The following RUVBL2 variants were observed in gnomAD, a reference collection of about 807,000 sequenced individuals.
The protein encoded by RUVBL2 is RuvB like AAA ATPase 2.
Under a neutral mutation model 57.9 loss-of-function variants are expected in RUVBL2, and 9 were observed. The ratio of observed to expected loss-of-function variants is 0.16; its 90% confidence interval spans 0.09 to 0.27. The LOEUF (loss-of-function observed/expected upper bound fraction) is 0.27, where lower values mean the gene tolerates loss of function less well. RUVBL2 is among the 10% of genes least tolerant of loss of function. The pLI, the probability that RUVBL2 is intolerant of heterozygous loss-of-function variation, is 1.00. For missense variants in RUVBL2, 456 were observed against 669.6 expected, an observed-to-expected ratio of 0.68 and a Z score of 3.52; for synonymous variants, 278 against 264.6, an observed-to-expected ratio of 1.05 and a Z score of -0.49.
Position 49,010,470 on chromosome 19 carries a change from C to CT in RUVBL2, c.664-18_664-17insT. Reference sequence around the variant, plus strand: ...CCTGCCCTGTCTCCGCCGTTCTTCCCCCACCCCCGCCCCATAGACCAAGTT... The same window carrying CT: ...CCTGCCCTGTCTCCGCCGTTCTTCCCTCCACCCCCGCCCCATAGACCAAGTT... On this transcript the variant is annotated splice_polypyrimidine_tract_variant and intron_variant, in intron 8 of 14. Coordinates refer to ENST00000595090, the MANE Select transcript of RUVBL2 (RefSeq NM_006666.3). 1 of 1,211,168 alleles carries CT rather than the reference C, an allele frequency of 8.3e-7. No homozygotes were observed. Among genetic ancestry groups the CT allele is most frequent in the South Asian group, 1.3e-5 (1 of 79,486 alleles). The allele number at this position is 1,211,168 out of a possible 1,614,324, so 75.0% of individuals were successfully genotyped here.
chr19:49,000,473 T>C (rs994682269), intron 2 of RUVBL2, among the ~76,000 whole-genome samples: 14 of 152,106 alleles, frequency 9.2e-5, no homozygotes, highest in Non-Finnish European at 1.9e-4. Context: ...GAAAATTGCT[T>C]GAACGAGGAG....
chr19:49,006,602 C>G (rs1436295706), intron 4 of RUVBL2, among the ~76,000 whole-genome samples: 1 of 152,264 alleles, frequency 6.6e-6, no homozygotes, highest in South Asian at 2.1e-4. Flanking sequence ...AGTGGTGGAT[C>G]TGGGATGGGA....
At chr19:49,008,643 G>A (rs1023704341) in intron 6 of RUVBL2, among the ~76,000 whole-genome samples, 2 of 151,816 alleles carry the variant, frequency 1.3e-5, no homozygotes, top group African/African-American at 2.4e-5. Flanking sequence ...TCAGGAGTTC[G>A]AAACGAGCCT....
At chr19:48,997,874 A>AGCTGGCTCCACATG (rs1268543398) in intron 1 of RUVBL2, among the ~76,000 whole-genome samples, 4 of 151,942 alleles carry the variant, frequency 2.6e-5, no homozygotes, top group Non-Finnish European at 5.9e-5. Context: ...CCCCCATGTG[A>AGCTGGCTCCACATG]GAAGGGGTGG....
intron 5 of RUVBL2, 73 bp downstream of exon 5, chr19:49,007,220 C>G (rs1385424044): frequency 1.2e-6 from 2 of 1,607,968 alleles, no homozygotes; most frequent in African/African-American, 1.3e-5. Flanking sequence ...GCGGCTCGTC[C>G]TTTGTCCCAG....
chr19:49,003,074 A>G (rs982111060), intron 2 of RUVBL2, among the ~76,000 whole-genome samples: 3 of 152,190 alleles, frequency 2.0e-5, no homozygotes, highest in Non-Finnish European at 4.4e-5. Flanking sequence ...GCTCCAGTTC[A>G]TTGAGCATTT....
upstream of RUVBL2, chr19:48,993,550 G>A: frequency 2.2e-6 from 1 of 462,322 alleles, no homozygotes; most frequent in Non-Finnish European, 4.0e-6. Flanking sequence ...TGGAGCTGGA[G>A]GCCTCAAAGT....
chr19:49,004,548 A>G (rs2039247579), intron 4 of RUVBL2, 130 bp downstream of exon 4: 3 of 882,862 alleles, frequency 3.4e-6, no homozygotes, highest in Non-Finnish European at 5.1e-6. Context: ...CTCAGGATTC[A>G]TTCTTGCCCA....
At chr19:49,012,131 C>G (rs1381696875) in intron 11 of RUVBL2, among the ~76,000 whole-genome samples, 1 of 152,166 alleles carries the variant, frequency 6.6e-6, no homozygotes, top group African/African-American at 2.4e-5. Flanking sequence ...CAGTGCTGTA[C>G]CTGGTGGCAA....
rs1275004459 is a variant in RUVBL2, at chr19:49,009,442, A to G, written c.463-334A>G. The stretch of plus-strand genomic sequence containing the variant: ...GCAGAGCTTGCAGTGAGCCGAGATC[A>G]TGCTACTACACTCCAGCGTGGGCGA... On this transcript the variant is annotated intron_variant, in intron 6 of 14. Transcript: ENST00000595090. Among the ~76,000 whole-genome samples the G allele has an allele frequency of 5.3e-5, 8 of 152,096 alleles. No individual in the cohort carries two copies. The East Asian group carries it at 9.7e-4, about 18-fold the overall frequency.
At chr19:49,013,595 C>T (rs1363071697) in intron 11 of RUVBL2, among the ~76,000 whole-genome samples, 1 of 152,076 alleles carries the variant, frequency 6.6e-6, no homozygotes, top group Non-Finnish European at 1.5e-5. Flanking sequence ...AGTGATGTTA[C>T]ATAACAAACA....
chr19:48,999,859 G>A (rs1054904113), intron 2 of RUVBL2, among the ~76,000 whole-genome samples: 1 of 152,166 alleles, frequency 6.6e-6, no homozygotes, highest in Non-Finnish European at 1.5e-5. Context: ...GTTAGCTGAG[G>A]GAACTGATTT....
chr19:48,996,473 G>A lies in RUVBL2; in HGVS notation c.12+2550G>A, dbSNP rs150155854. On this transcript the variant is annotated intron_variant, in intron 1 of 14. Coordinates refer to ENST00000595090, the MANE Select transcript of RUVBL2 (RefSeq NM_006666.3). The stretch of plus-strand genomic sequence containing the variant: ...CCTGAGTAGCTGGGACTACAGGTGC[G>A]CGTCACCACGCCCAGCTAATTTTTG... 8.1e-3 allele frequency among the ~76,000 whole-genome samples: 1,216 copies of A among 150,110 alleles called. 20 individuals are homozygous for A. The highest frequency in any genetic ancestry group is 0.028 in the African/African-American group (1,145 of 40,394).
At position 49,010,290 on chromosome 19, in the gene RUVBL2, GC is replaced by G. The variant is rs2039387475; in HGVS notation, c.664-193del. On this transcript the variant is annotated intron_variant, in intron 8 of 14. Transcript: ENST00000595090. ...CTGTGGCTTCTAAGGTCCTCCGGGA[GC>G]CCCCGTGACCCTCAGCGCTCTGGAA... 17 of 682,622 alleles carry G rather than the reference GC, an allele frequency of 2.5e-5. No individual in the cohort carries two copies. The South Asian group carries it at 2.8e-4, about 11-fold the overall frequency. 42.3% of individuals were successfully genotyped at this position (682,622 alleles called of 1,614,324 possible).
chr19:49,015,508 C>T, intron 13 of RUVBL2, 64 bp from the exon 14 acceptor site: 1 of 1,235,986 alleles, frequency 8.1e-7, no homozygotes, highest in Non-Finnish European at 1.2e-6. Flanking sequence ...GTGGCATACG[C>T]TGGGGTCTGT....
At chr19:48,996,798 A>G (rs2039071194) in intron 1 of RUVBL2, among the ~76,000 whole-genome samples, 4 of 152,094 alleles carry the variant, frequency 2.6e-5, no homozygotes, top group South Asian at 4.1e-4. Context: ...AAGTGCTGGG[A>G]TTACGGGCGT....
chr19:49,005,879 A>AC (rs1017182255), intron 4 of RUVBL2, among the ~76,000 whole-genome samples: 2 of 152,076 alleles, frequency 1.3e-5, no homozygotes, highest in African/African-American at 4.8e-5. Flanking sequence ...CAGGTGATCC[A>AC]CCCCCCTGCC....
At chr19:49,010,173 T>TGTTTGTCC (rs1157528459) in intron 8 of RUVBL2, 107 bp downstream of exon 8, 1 of 1,049,184 alleles carries the variant, frequency 9.5e-7, no homozygotes, top group African/African-American at 1.6e-5. Context: ...TTACCCTGAC[T>TGTTTGTCC]GTTTGTCCTG....
chr19:48,994,134 C>T (rs2039004897), intron 1 of RUVBL2: 5 of 546,822 alleles, frequency 9.1e-6, no homozygotes, highest in South Asian at 4.4e-5. Flanking sequence ...GGGGAGGGGG[C>T]TGGGATCCCA....
Sources: allele counts gnomAD v4.1 joint callset (sites outside exome capture counted in the v4.1 genomes callset), GRCh38; gene constraint gnomAD v4.1.1; transcripts MANE v1.5; gene names NCBI Gene and HGNC (gene_info 2026-07-23, HGNC 2026-07-21).